FHIT: variants seen among roughly 807,000 people sequenced by gnomAD.
FHIT encodes fragile histidine triad diadenosine triphosphatase, also known as bis(5'-adenosyl)-triphosphatase.
Under a neutral mutation model 17.9 loss-of-function variants are expected in FHIT, and 19 were observed. The observed-to-expected ratio is 1.06, with a 90% CI of 0.74 to 1.56. The LOEUF is 1.56. FHIT is among the 40% of genes most tolerant of loss of function. The pLI is 0.00. For missense variants in FHIT, 248 were observed against 189.2 expected, an observed-to-expected ratio of 1.31 and a Z score of -1.82; for synonymous variants, 81 against 69.7, an observed-to-expected ratio of 1.16 and a Z score of -0.81.
rs1336542647 is a variant in FHIT, at chr3:61,021,617, A to C, written c.-111+20430T>G. Among the ~76,000 whole-genome samples, 8 of 150,442 alleles carry C rather than the reference A, an allele frequency of 5.3e-5. No homozygotes were observed. The East Asian group carries it at 1.6e-3, about 29-fold the overall frequency. On this transcript the variant is annotated intron_variant, in intron 3 of 9. Coordinates refer to ENST00000492590, the MANE Select transcript of FHIT (RefSeq NM_002012.4). ...CCGTCTCAAAAAAAAAAAAAAAAAA[A>C]AAAAGAACAGAAATCATAACAAACT...
chr3:60,767,480 G>A (rs72876972), intron 4 of FHIT, among the ~76,000 whole-genome samples: 1,793 of 152,244 alleles, frequency 0.012, 37 homozygotes, highest in African/African-American at 0.041. Flanking sequence ...TGTCTGCTAC[G>A]ATCATGTGCC....
chr3:60,566,814 A>G (rs980395860), intron 4 of FHIT, among the ~76,000 whole-genome samples: 4 of 150,532 alleles, frequency 2.7e-5, no homozygotes, highest in East Asian at 1.9e-4. Context: ...ATACACCAAC[A>G]ACAGACAAAC....
intron 4 of FHIT, among the ~76,000 whole-genome samples, chr3:60,653,006 A>G (rs1238282206): frequency 6.6e-6 from 1 of 152,100 alleles, no homozygotes; most frequent in Non-Finnish European, 1.5e-5. Context: ...ACACACCCTA[A>G]ACTGAAACTC....
At chr3:60,579,869 T>C (rs2037697025) in intron 4 of FHIT, among the ~76,000 whole-genome samples, 1 of 152,154 alleles carries the variant, frequency 6.6e-6, no homozygotes, top group Non-Finnish European at 1.5e-5. Flanking sequence ...TGCAGGGAAC[T>C]CTGGCCAGTT....
chr3:60,517,825 T>G (rs2035217913), intron 5 of FHIT, among the ~76,000 whole-genome samples: 1 of 152,192 alleles, frequency 6.6e-6, no homozygotes, highest in African/African-American at 2.4e-5. Context: ...ACTTAGGAGT[T>G]CTGTAAAGAA....
chr3:60,409,808 A>T (rs997135774), intron 5 of FHIT, among the ~76,000 whole-genome samples: 1 of 152,156 alleles, frequency 6.6e-6, no homozygotes, highest in East Asian at 1.9e-4. Flanking sequence ...GCAAATCTCA[A>T]TACTCCCATG....
intron 2 of FHIT, among the ~76,000 whole-genome samples, chr3:61,073,679 T>A (rs1402608548): frequency 6.6e-6 from 1 of 152,322 alleles, no homozygotes; most frequent in East Asian, 1.9e-4. Flanking sequence ...TTATAACTAT[T>A]GCTAGCCATC....
chr3:60,795,940 A>T (rs913555767), intron 4 of FHIT, among the ~76,000 whole-genome samples: 7 of 152,200 alleles, frequency 4.6e-5, no homozygotes, highest in African/African-American at 1.4e-4. Flanking sequence ...AAGACTGGGA[A>T]GAAAAAGAGG....
chr3:61,225,662 T>C (rs554233880), intron 1 of FHIT, among the ~76,000 whole-genome samples: 2 of 152,348 alleles, frequency 1.3e-5, no homozygotes, highest in South Asian at 4.1e-4. Context: ...CCTTTGCCTG[T>C]TTCATAAATT....
intron 2 of FHIT, among the ~76,000 whole-genome samples, chr3:61,070,181 G>A (rs528676804): frequency 1.9e-4 from 29 of 152,224 alleles, no homozygotes; most frequent in East Asian, 5.8e-4. Context: ...GGCATGAGCC[G>A]TCGTTCCTGA....
In FHIT at chr3:59,824,685, G is replaced by C. The variant is rs566994139; in HGVS notation, c.349-72364C>G. 3.3e-5 allele frequency among the ~76,000 whole-genome samples: 5 copies of C among 152,342 alleles called. No homozygotes were observed. In the South Asian group the frequency reaches 1.0e-3, roughly 32 times the overall value. On this transcript the variant is annotated intron_variant, in intron 8 of 9. Transcript: ENST00000492590. ...CAAAAAGAATCACTTGCTAAAGGGA[G>C]AAGTGAGCCCCACCTTCTGTTAGGA...
chr3:60,357,317 G>A (rs534922286), intron 5 of FHIT, among the ~76,000 whole-genome samples: 16 of 152,082 alleles, frequency 1.1e-4, no homozygotes, highest in Non-Finnish European at 2.2e-4. Flanking sequence ...AAGCTCAAGC[G>A]ATTCTCCTGC....
At chr3:60,997,109 G>A (rs1263734968) in intron 3 of FHIT, among the ~76,000 whole-genome samples, 1 of 152,150 alleles carries the variant, frequency 6.6e-6, no homozygotes, top group Non-Finnish European at 1.5e-5. Context: ...TTGGTCTGTT[G>A]TTGCTGTTCT....
chr3:60,207,635 CT>C (rs1366243442), intron 5 of FHIT, among the ~76,000 whole-genome samples: 4 of 152,112 alleles, frequency 2.6e-5, no homozygotes, highest in African/African-American at 9.7e-5. Flanking sequence ...ACGTATGTGA[CT>C]ACCGTGACAC....
At chr3:60,447,007 C>T (rs1452799408) in intron 5 of FHIT, among the ~76,000 whole-genome samples, 1 of 152,026 alleles carries the variant, frequency 6.6e-6, no homozygotes, top group Non-Finnish European at 1.5e-5. Flanking sequence ...ATGCTTGTCT[C>T]TTCAGCCTTA....
At chr3:60,571,941 G>C (rs559520077) in intron 4 of FHIT, among the ~76,000 whole-genome samples, 2 of 152,134 alleles carry the variant, frequency 1.3e-5, no homozygotes, top group African/African-American at 4.8e-5. Flanking sequence ...AATAAACTCA[G>C]GAAAATCATT....
chr3:60,980,047 T>A (rs1710428118), intron 3 of FHIT, among the ~76,000 whole-genome samples: 1 of 152,196 alleles, frequency 6.6e-6, no homozygotes, highest in Non-Finnish European at 1.5e-5. Flanking sequence ...AACAGAGTTA[T>A]CTCAAATTCA....
chr3:60,012,579 T>A (rs912283826), intron 6 of FHIT, among the ~76,000 whole-genome samples: 4 of 152,098 alleles, frequency 2.6e-5, no homozygotes, highest in Non-Finnish European at 5.9e-5. Context: ...AGAAATCAGA[T>A]CTTAATAGAA....
At chr3:60,112,775 A>G (rs1420600273) in intron 5 of FHIT, among the ~76,000 whole-genome samples, 2 of 152,210 alleles carry the variant, frequency 1.3e-5, no homozygotes, top group Admixed American at 6.5e-5. Flanking sequence ...GTCTTTACAT[A>G]GGAGCATGAT....
Sources: allele counts gnomAD v4.1 joint callset (sites outside exome capture counted in the v4.1 genomes callset), GRCh38; gene constraint gnomAD v4.1.1; transcripts MANE v1.5; gene names NCBI Gene and HGNC (gene_info 2026-07-23, HGNC 2026-07-21).